Variants in DLG2 observed in about 807,000 individuals in gnomAD.
DLG2 encodes the protein disks large homolog 2.
In DLG2, 45 loss-of-function variants were observed where a neutral mutation model predicts 132.5. The observed-to-expected ratio is 0.34, with a 90% CI of 0.27 to 0.44. DLG2 has a LOEUF of 0.44. DLG2 is among the 20% of genes least tolerant of loss of function. The pLI is 1.00. For missense variants in DLG2, 1,045 were observed against 1,196.9 expected (o/e 0.87, Z 1.87); for synonymous variants, 424 against 419.6 (o/e 1.01, Z -0.13).
At chr11:83,939,790 T>G (rs925939913) in intron 14 of DLG2, among the ~76,000 whole-genome samples, 2 of 152,184 alleles carry the variant, frequency 1.3e-5, no homozygotes, top group Non-Finnish European at 2.9e-5. Context: ...TATACTTCTG[T>G]AGGCCAATTT....
chr11:84,188,872 T>TAATC (rs1246194179), intron 8 of DLG2, among the ~76,000 whole-genome samples: 9 of 152,178 alleles, frequency 5.9e-5, no homozygotes, highest in Non-Finnish European at 1.3e-4. Context: ...ATACCCTCAA[T>TAATC]AATCACCCAG....
intron 7 of DLG2, among the ~76,000 whole-genome samples, chr11:84,304,598 T>C (rs1327768457): frequency 6.6e-6 from 1 of 152,210 alleles, no homozygotes; most frequent in Non-Finnish European, 1.5e-5. Flanking sequence ...ACTATTCAAC[T>C]CTGCCATTGC....
rs58266385 is a variant in DLG2, at chr11:85,134,528, C to CAAAA, written c.282+20024_282+20027dup. Among the ~76,000 whole-genome samples the CAAAA allele has an allele frequency of 3.8e-3, 133 of 34,954 alleles. 5 individuals carry two copies. The highest frequency in any genetic ancestry group is 0.012 in the African/African-American group (120 of 10,188). The allele number at this position is 34,954 out of a possible 152,430, so 22.9% of individuals were successfully genotyped here. ...TGGGCAACAGAGCGAGACTCCGTCT[C>CAAAA]AAAAAAAAAAAAAAAAAAAAAAAAA... On this transcript the variant is annotated intron_variant, in intron 5 of 27. Transcript: ENST00000376104.
chr11:84,343,011 C>G (rs1452850468), intron 7 of DLG2, among the ~76,000 whole-genome samples: 1 of 152,126 alleles, frequency 6.6e-6, no homozygotes, highest in Non-Finnish European at 1.5e-5. Context: ...TCTTTTCAGT[C>G]TAGTGAAGAA....
chr11:83,788,544 T>C (rs1288878087), intron 17 of DLG2, among the ~76,000 whole-genome samples: 4 of 152,238 alleles, frequency 2.6e-5, no homozygotes, highest in Non-Finnish European at 4.4e-5. Context: ...TCTTGAGTTA[T>C]TCTTGCTAGA....
At chr11:83,605,465 A>G (rs1283214390) in intron 19 of DLG2, among the ~76,000 whole-genome samples, 1 of 152,220 alleles carries the variant, frequency 6.6e-6, no homozygotes, top group Non-Finnish European at 1.5e-5. Context: ...GACCAGGGAA[A>G]TAACTCCAGA....
intron 9 of DLG2, among the ~76,000 whole-genome samples, chr11:84,157,890 G>A (rs957114631): frequency 1.3e-5 from 2 of 152,144 alleles, no homozygotes; most frequent in Non-Finnish European, 1.5e-5. Context: ...TGTAGAGGAG[G>A]AGTCGTCAAC....
intron 20 of DLG2, among the ~76,000 whole-genome samples, chr11:83,534,866 C>T (rs939274726): frequency 6.6e-6 from 1 of 152,166 alleles, no homozygotes; most frequent in Admixed American, 6.5e-5. Flanking sequence ...TCACTTGAAC[C>T]CGGGAGGTGG....
intron 18 of DLG2, among the ~76,000 whole-genome samples, chr11:83,763,536 A>G (rs2094006416): frequency 6.6e-6 from 1 of 152,214 alleles, no homozygotes; most frequent in African/African-American, 2.4e-5. Flanking sequence ...CCCACAGCCA[A>G]TCTCACTTAT....
chr11:85,352,961 A>G (rs55637926), intron 3 of DLG2, among the ~76,000 whole-genome samples: 16,741 of 152,018 alleles, frequency 0.11, 1,082 homozygotes, highest in African/African-American at 0.18. Flanking sequence ...CAAAAGCAAT[A>G]GCAACAAAAG....
intron 6 of DLG2, among the ~76,000 whole-genome samples, chr11:84,911,825 T>G (rs931139277): frequency 5.3e-5 from 8 of 152,126 alleles, no homozygotes; most frequent in Admixed American, 5.2e-4. Flanking sequence ...AATGCAAACT[T>G]TGTGATTGCT....
At chr11:83,766,263 T>G (rs1242416079) in intron 18 of DLG2, among the ~76,000 whole-genome samples, 1 of 151,970 alleles carries the variant, frequency 6.6e-6, no homozygotes, top group Non-Finnish European at 1.5e-5. Flanking sequence ...CTGGCTAATT[T>G]TTTGTATTTT....
intron 8 of DLG2, among the ~76,000 whole-genome samples, chr11:84,212,588 G>T (rs900283333): frequency 6.6e-6 from 1 of 152,136 alleles, no homozygotes; most frequent in African/African-American, 2.4e-5. Context: ...TTGAGTTTTC[G>T]TAATTGACTT....
chr11:85,623,241 T>TCATATAA (rs1402497675), intron 2 of DLG2, among the ~76,000 whole-genome samples: 1 of 151,882 alleles, frequency 6.6e-6, no homozygotes, highest in Admixed American at 6.6e-5. Flanking sequence ...AAATAAAGGG[T>TCATATAA]CATATAAATA....
chr11:84,640,952 C>CA (rs34851864), intron 6 of DLG2, among the ~76,000 whole-genome samples: 20,413 of 85,238 alleles, frequency 0.24, 1,826 homozygotes, highest in Non-Finnish European at 0.31. Context: ...AACAAACAAA[C>CA]AAAAAAAAAA....
chr11:84,899,609 T>G (rs569904533), intron 6 of DLG2, among the ~76,000 whole-genome samples: 26 of 152,170 alleles, frequency 1.7e-4, no homozygotes, highest in Middle Eastern at 6.8e-3. Context: ...TTGGTTTATA[T>G]AAACCATTAT....
chr11:84,070,930 C>T (rs1223027149), intron 10 of DLG2, among the ~76,000 whole-genome samples: 2 of 152,160 alleles, frequency 1.3e-5, no homozygotes, highest in East Asian at 3.8e-4. Context: ...TATCTCTTCC[C>T]CATAGACAAC....
intron 5 of DLG2, among the ~76,000 whole-genome samples, chr11:85,144,559 C>T (rs374307865): frequency 6.6e-6 from 1 of 151,516 alleles, no homozygotes. Flanking sequence ...GTTCTAATTT[C>T]TTGCTTTTAC....
intron 7 of DLG2, among the ~76,000 whole-genome samples, chr11:84,517,874 T>G (rs1230124958): frequency 6.6e-6 from 1 of 152,122 alleles, no homozygotes; most frequent in South Asian, 2.1e-4. Context: ...TGAAAGACAT[T>G]TGGTTAAGTG....
Sources: gnomAD v4.1 joint callset for allele counts (sites outside exome capture counted in the v4.1 genomes callset) on GRCh38, gnomAD v4.1.1 for gene constraint, MANE v1.5 for transcripts, NCBI Gene and HGNC (gene_info 2026-07-23, HGNC 2026-07-21) for gene names.